The following OXR1 variants were observed in gnomAD, a reference collection of about 807,000 sequenced individuals.
OXR1 encodes oxidation resistance protein 1.
OXR1 carries 41 observed loss-of-function variants against 104.6 expected under a neutral mutation model. The ratio of observed to expected loss-of-function variants is 0.39; its 90% CI spans 0.31 to 0.51. The LOEUF is 0.51. Ranked by LOEUF, OXR1 falls within the 20% of genes least tolerant of loss-of-function variation. OXR1 has a pLI of 0.77. For missense variants in OXR1, 955 were observed against 1,031.9 expected (o/e 0.93, Z 1.02); for synonymous variants, 348 against 348.4 (o/e 1.00, Z 0.01).
chr8:106,750,268 A>G (rs1416981587), intron 16 of OXR1, among the ~76,000 whole-genome samples: 1 of 151,402 alleles, frequency 6.6e-6, no homozygotes, highest in African/African-American at 2.4e-5. Context: ...AGTTCATTAT[A>G]GAGGACACTG....
At chr8:106,292,441 AG>A (rs946880290) in intron 1 of OXR1, among the ~76,000 whole-genome samples, 22 of 152,172 alleles carry the variant, frequency 1.4e-4, no homozygotes, top group African/African-American at 5.1e-4. Flanking sequence ...AGTGATAGCC[AG>A]AGTGCGTGAT....
chr8:106,742,405 T>G, intron 15 of OXR1, 88 bp downstream of exon 15: 1 of 717,330 alleles, frequency 1.4e-6, no homozygotes, highest in Non-Finnish European at 2.4e-6. Context: ...GCTATTCCCA[T>G]TAAACTACCA....
At chr8:106,541,730 G>A (rs1457871664) in intron 3 of OXR1, among the ~76,000 whole-genome samples, 2 of 152,186 alleles carry the variant, frequency 1.3e-5, no homozygotes, top group African/African-American at 4.8e-5. Flanking sequence ...GTTGATTTCA[G>A]TGAGGGTTGG....
intron 1 of OXR1, among the ~76,000 whole-genome samples, chr8:106,277,778 A>G (rs1812116178): frequency 6.6e-6 from 1 of 152,218 alleles, no homozygotes; most frequent in African/African-American, 2.4e-5. Flanking sequence ...GTTCAAACCT[A>G]GTGAAGAGGA....
intron 16 of OXR1, among the ~76,000 whole-genome samples, chr8:106,748,354 T>C (rs183140422): frequency 2.6e-5 from 4 of 152,226 alleles, no homozygotes; most frequent in Non-Finnish European, 5.9e-5. Context: ...TGTTATGATT[T>C]TCAGGGTGTT....
At chr8:106,519,475 A>G (rs1317878195) in intron 3 of OXR1, among the ~76,000 whole-genome samples, 1 of 152,110 alleles carries the variant, frequency 6.6e-6, no homozygotes, top group East Asian at 1.9e-4. Flanking sequence ...CATTTTAGCC[A>G]TTGTTCAGCC....
chr8:106,361,846 A>G (rs1816259909), intron 2 of OXR1, among the ~76,000 whole-genome samples: 1 of 152,224 alleles, frequency 6.6e-6, no homozygotes, highest in African/African-American at 2.4e-5. Context: ...CTAATTTAAA[A>G]TAAGACATGT....
intron 16 of OXR1, among the ~76,000 whole-genome samples, chr8:106,747,523 C>G (rs1835493384): frequency 6.6e-6 from 1 of 152,192 alleles, no homozygotes; most frequent in Non-Finnish European, 1.5e-5. Flanking sequence ...CCTTCCACTT[C>G]CTTAGCCATT....
chr8:106,408,657 A>C (rs560223608), intron 2 of OXR1, among the ~76,000 whole-genome samples: 21 of 152,288 alleles, frequency 1.4e-4, no homozygotes, highest in African/African-American at 5.1e-4. Context: ...TTTGTTTTAT[A>C]CATTCTTTCA....
At chr8:106,556,708 A>G (rs1032581667) in intron 3 of OXR1, among the ~76,000 whole-genome samples, 4 of 152,216 alleles carry the variant, frequency 2.6e-5, no homozygotes, top group Admixed American at 2.0e-4. Flanking sequence ...CTCCAGCAAA[A>G]GCTGATCAGA....
At chr8:106,271,156 A>T (rs1459041666) in intron 1 of OXR1, among the ~76,000 whole-genome samples, 1 of 152,058 alleles carries the variant, frequency 6.6e-6, no homozygotes, top group East Asian at 1.9e-4. Flanking sequence ...TGAAAGGTTC[A>T]GGAGAGGGTT....
chr8:106,650,914 C>T (rs1355279010), intron 3 of OXR1, among the ~76,000 whole-genome samples: 2 of 152,066 alleles, frequency 1.3e-5, no homozygotes, highest in Non-Finnish European at 2.9e-5. Context: ...GAATAATATT[C>T]CATTATATAG....
chr8:106,289,049 G>A (rs756135931), intron 1 of OXR1, among the ~76,000 whole-genome samples: 17 of 151,948 alleles, frequency 1.1e-4, no homozygotes, highest in Non-Finnish European at 1.2e-4. Context: ...CATCTATGAC[G>A]AACTCACAGC....
At chr8:106,677,625 A>C (rs930199941) in intron 3 of OXR1, among the ~76,000 whole-genome samples, 4 of 152,054 alleles carry the variant, frequency 2.6e-5, no homozygotes, top group Non-Finnish European at 5.9e-5. Flanking sequence ...GTTTAAGGAC[A>C]TTTTTACATC....
intron 2 of OXR1, among the ~76,000 whole-genome samples, chr8:106,443,037 G>A (rs372291141): frequency 6.6e-6 from 1 of 152,138 alleles, no homozygotes; most frequent in South Asian, 2.1e-4. Context: ...TCTGATGTGG[G>A]CATTTGGTGC....
chr8:106,736,924 G>A (rs554207910), intron 11 of OXR1, among the ~76,000 whole-genome samples: 12 of 152,232 alleles, frequency 7.9e-5, no homozygotes, highest in East Asian at 3.9e-4. Flanking sequence ...CTTTTGATTA[G>A]ACATACTTTT....
At chr8:106,321,832 A>T (rs1484200941) in intron 1 of OXR1, among the ~76,000 whole-genome samples, 4 of 152,226 alleles carry the variant, frequency 2.6e-5, no homozygotes, top group African/African-American at 9.6e-5. Flanking sequence ...GTGATGTTTG[A>T]TGTTGGAAAA....
intron 11 of OXR1, among the ~76,000 whole-genome samples, chr8:106,715,458 T>G (rs1332872506): frequency 6.7e-6 from 1 of 149,010 alleles, no homozygotes; most frequent in East Asian, 1.9e-4. Flanking sequence ...ATATATATTA[T>G]ATACATCTAT....
chr8:106,445,560 T>C (rs1819979402), intron 2 of OXR1, among the ~76,000 whole-genome samples: 1 of 152,196 alleles, frequency 6.6e-6, no homozygotes, highest in Non-Finnish European at 1.5e-5. Context: ...ATGCACGCTC[T>C]CACTTACTTA....
Sources: allele counts gnomAD v4.1 joint callset (sites outside exome capture counted in the v4.1 genomes callset), GRCh38; gene constraint gnomAD v4.1.1; transcripts MANE v1.5; gene names NCBI Gene and HGNC (gene_info 2026-07-23, HGNC 2026-07-21).